AGO4: variants seen among roughly 807,000 people sequenced by gnomAD.
The protein encoded by AGO4 is protein argonaute-4.
In AGO4, 33 loss-of-function variants were observed where a neutral mutation model predicts 104.7. The observed-to-expected ratio is 0.32, with a 90% CI of 0.24 to 0.42. The LOEUF is 0.42. Among genes scored for constraint, AGO4 ranks in the 10% least tolerant of loss-of-function variants. AGO4 has a pLI of 1.00. For synonymous variants in AGO4, 331 were observed against 364.7 expected (o/e 0.91, Z 1.05); for missense variants, 711 against 1,083.4 (o/e 0.66, Z 4.83).
rs570783436 is a variant in AGO4, at chr1:35,846,928, G to T, written c.2176-3229G>T. Among the ~76,000 whole-genome samples, 7 of 152,196 alleles carry T rather than the reference G, an allele frequency of 4.6e-5. No individual in the cohort carries two copies. In the South Asian group the frequency reaches 1.5e-3, roughly 32 times the overall value. On this transcript the variant is annotated intron_variant, in intron 15 of 17. Transcript: ENST00000373210. ...CAAGGCGTGGTGGTGCATACCTGTA[G>T]TCCCAGCTACTTAGGAAGCTGAGAC... is the stretch of plus-strand genomic sequence containing the variant.
At chr1:35,822,429 T>C (rs1178738756) in intron 2 of AGO4, among the ~76,000 whole-genome samples, 3 of 151,520 alleles carry the variant, frequency 2.0e-5, no homozygotes, top group East Asian at 3.9e-4. Flanking sequence ...TAATTTTGTA[T>C]TTTTAGTAGA....
intron 1 of AGO4, 42 bp from the exon 2 acceptor site, chr1:35,816,838 AAG>A (rs770435861): frequency 1.3e-6 from 2 of 1,504,638 alleles, no homozygotes; most frequent in Non-Finnish European, 1.8e-6. Context: ...AAGAAAGAAA[AAG>A]AAAAAAAAAA....
Position 35,850,186 on chromosome 1 carries a change from C to T in AGO4, c.2205C>T (p.Gly735=). The change falls in exon 16 of 18, where the codon GGC becomes GGT. Residue 735 remains glycine, a synonymous_variant. Coordinates refer to ENST00000373210, the MANE Select transcript of AGO4 (RefSeq NM_017629.4). ...GGAAAAGTGGCAATGTACCAGCAGG[C>T]ACTACAGTGGATAGTACCATCACAC... The part of the protein sequence containing the change: ...RVGKSGNVPA[G]TTVDSTITHP... 4 of 1,605,332 alleles carry T rather than the reference C, an allele frequency of 2.5e-6. No homozygotes were observed. In the South Asian group the frequency reaches 4.5e-5, roughly 18 times the overall value.
At chr1:35,828,230 C>G (rs2148663904) in intron 7 of AGO4, among the ~76,000 whole-genome samples, 1 of 152,304 alleles carries the variant, frequency 6.6e-6, no homozygotes. Flanking sequence ...TCATGGCCCA[C>G]TGCAGCCTCA....
chr1:35,842,052 C>A (rs1384160089), intron 15 of AGO4, among the ~76,000 whole-genome samples: 2 of 151,742 alleles, frequency 1.3e-5, no homozygotes, highest in Non-Finnish European at 2.9e-5. Context: ...ATATAGGCAA[C>A]CTTCTAAGGG....
At chr1:35,823,784 A>G (rs1298892158) in intron 3 of AGO4, among the ~76,000 whole-genome samples, 7 of 148,460 alleles carry the variant, frequency 4.7e-5, no homozygotes, top group Non-Finnish European at 3.0e-5. Flanking sequence ...GGGTTTCACC[A>G]TGTTGGACAG....
At chr1:35,823,006 C>T in intron 3 of AGO4, 24 bp downstream of exon 3, 1 of 1,608,346 alleles carries the variant, frequency 6.2e-7, no homozygotes. Flanking sequence ...GCAAGAAATA[C>T]TTAGTTCATT....
intron 13 of AGO4, among the ~76,000 whole-genome samples, chr1:35,838,292 G>A (rs2148674687): frequency 6.6e-6 from 1 of 152,208 alleles, no homozygotes; most frequent in East Asian, 1.9e-4. Context: ...CTGACCTCAA[G>A]CAATCGGCCC....
chr1:35,812,177 T>A lies in AGO4; in HGVS notation c.19+3742T>A, dbSNP rs575992334. ...CAGAGCTGTACAAATAAATTTCTGT[T>A]GTTTAGCCCAAATTAAAAAAAAAAG... On this transcript the variant is annotated intron_variant, in intron 1 of 17. Coordinates refer to ENST00000373210, the MANE Select transcript of AGO4 (RefSeq NM_017629.4). 1.3e-4 allele frequency among the ~76,000 whole-genome samples: 20 copies of A among 151,694 alleles called. No individual in the cohort carries two copies. In the South Asian group the frequency reaches 4.0e-3, roughly 30 times the overall value.
rs369744686 is a variant in AGO4 at position 35,825,634 on chromosome 1, C to T, written c.489-45C>T. 1.2e-4 allele frequency: 190 copies of T among 1,529,626 alleles called. No individual in the cohort carries two copies. The African/African-American group carries it at 2.4e-3, about 19-fold the overall frequency. The allele number at this position is 1,529,626 out of a possible 1,614,324, so 94.8% of individuals were successfully genotyped here. On this transcript the variant is annotated intron_variant, in intron 4 of 17. Coordinates refer to ENST00000373210, the MANE Select transcript of AGO4 (RefSeq NM_017629.4). ...CAGAGTTGAGAGTGAAATGAAGGAC[C>T]TTTCACATGTTTAATGTGACACATG...
intron 1 of AGO4, among the ~76,000 whole-genome samples, chr1:35,809,367 T>C (rs2148643480): frequency 6.6e-6 from 1 of 152,342 alleles, no homozygotes; most frequent in South Asian, 2.1e-4. Context: ...GAATTCACTT[T>C]AATATTCAAA....
At chr1:35,828,346 G>T (rs1177491777) in intron 7 of AGO4, among the ~76,000 whole-genome samples, 2 of 151,938 alleles carry the variant, frequency 1.3e-5, no homozygotes, top group African/African-American at 4.8e-5. Flanking sequence ...ATAGAGATGG[G>T]GTCCCACTTT....
chr1:35,827,428 G>A (rs1004733467), intron 7 of AGO4, among the ~76,000 whole-genome samples: 30 of 152,102 alleles, frequency 2.0e-4, no homozygotes, highest in African/African-American at 6.7e-4. Context: ...GGTTGAGGCA[G>A]GAGAATCGCT....
At chr1:35,836,856 A>G (rs1208289819) in intron 13 of AGO4, among the ~76,000 whole-genome samples, 2 of 152,226 alleles carry the variant, frequency 1.3e-5, no homozygotes, top group African/African-American at 4.8e-5. Context: ...TAATAGATAC[A>G]GTCAAATAGT....
rs563056541 is a variant in AGO4, at chr1:35,810,431, T to G, written c.19+1996T>G. ...CAGTCCCTGAAGCCTTCTAGTCTTGTTCTATCCCTCCCTGCCCACCGCCTC... is the reference window on the plus strand; with the variant it reads ...CAGTCCCTGAAGCCTTCTAGTCTTGGTCTATCCCTCCCTGCCCACCGCCTC... On this transcript the variant is annotated intron_variant, in intron 1 of 17. Transcript: ENST00000373210. Among the ~76,000 whole-genome samples, 4 of 152,302 alleles carry G rather than the reference T, an allele frequency of 2.6e-5. No homozygotes were observed. The East Asian group carries it at 7.7e-4, about 29-fold the overall frequency.
At chr1:35,836,511 G>A (rs969278146) in intron 13 of AGO4, among the ~76,000 whole-genome samples, 4 of 152,128 alleles carry the variant, frequency 2.6e-5, no homozygotes, top group African/African-American at 4.8e-5. Context: ...CCGGGTTCAC[G>A]CCATTCTTCT....
At chr1:35,813,530 G>T (rs1643577932) in intron 1 of AGO4, among the ~76,000 whole-genome samples, 1 of 152,084 alleles carries the variant, frequency 6.6e-6, no homozygotes, top group Admixed American at 6.6e-5. Flanking sequence ...GCCTAGGTGG[G>T]CAGATTGCTT....
Position 35,808,321 on chromosome 1 carries a change from C to T in AGO4, c.-96C>T. ...GCGGCGCCACCCCAGCGCCAATATT[C>T]CGGAGATCAAGCGTTACGCGGCGGC... On this transcript the variant is annotated 5_prime_UTR_variant, in exon 1 of 18. Transcript: ENST00000373210. This position sits in a 1 kb window ranked among gnomAD's most constrained non-coding sequence, Gnocchi z 5.2. 1 of 786,406 alleles carries T rather than the reference C, an allele frequency of 1.3e-6. No homozygotes were observed. Among genetic ancestry groups the T allele is most frequent in the Non-Finnish European group, 1.5e-6 (1 of 645,790 alleles). 48.7% of individuals were successfully genotyped at this position (786,406 alleles called of 1,614,324 possible). A position where few individuals can be genotyped will look rare whatever the true frequency, so the allele number is the denominator to read the frequency against.
intron 2 of AGO4, among the ~76,000 whole-genome samples, chr1:35,819,409 A>G (rs2148655278): frequency 6.6e-6 from 1 of 152,100 alleles, no homozygotes; most frequent in African/African-American, 2.4e-5. Flanking sequence ...AAGCTTAGGC[A>G]ACATGGCTAG....
Sources: gnomAD v4.1 joint callset for allele counts (sites outside exome capture counted in the v4.1 genomes callset) on GRCh38, gnomAD v4.1.1 for gene constraint, Gnocchi (gnomAD v3.1) non-coding constraint, MANE v1.5 for transcripts, NCBI Gene and HGNC (gene_info 2026-07-23, HGNC 2026-07-21) for gene names.